C12orf54: variants seen among roughly 807,000 people sequenced by gnomAD.
C12orf54 encodes chromosome 12 open reading frame 54, also known as uncharacterized protein C12orf54.
C12orf54 carries 24 observed loss-of-function variants against 26.4 expected under a neutral mutation model. The observed-to-expected ratio is 0.91, with a 90% CI of 0.66 to 1.28. The LOEUF is 1.28. C12orf54 is among the 50% of genes most tolerant of loss of function. C12orf54 has a pLI of 0.00. For missense variants in C12orf54, 154 were observed against 150.9 expected, an observed-to-expected ratio of 1.02 and a Z score of -0.11; for synonymous variants, 54 against 47.0, an observed-to-expected ratio of 1.15 and a Z score of -0.61.
At chr12:48,434,642 A>G in the C12orf54 span, among the ~76,000 whole-genome samples, 1 of 152,220 alleles carries the variant, frequency 6.6e-6, no homozygotes, top group Non-Finnish European at 1.5e-5. Context: ...GCTGATACCC[A>G]GGCAAACAGG....
the C12orf54 span, among the ~76,000 whole-genome samples, chr12:48,425,241 A>G: frequency 6.6e-6 from 1 of 151,812 alleles, no homozygotes; most frequent in African/African-American, 2.4e-5. Flanking sequence ...CCCATCCTCC[A>G]CCCTCAAGTA....
chr12:48,416,170 C>T, the C12orf54 span, among the ~76,000 whole-genome samples: 1 of 152,168 alleles, frequency 6.6e-6, no homozygotes, highest in Non-Finnish European at 1.5e-5. Context: ...ATCATCATTC[C>T]TGATTCTACT....
At chr12:48,479,886 G>A (rs753703102), upstream of C12orf54, among the ~76,000 whole-genome samples, 220 of 152,108 alleles carry the variant, frequency 1.4e-3, 1 homozygote, top group Admixed American at 3.1e-3. Context: ...ACAATTTTTT[G>A]GGGGATGGCT....
chr12:48,457,280 G>C, the C12orf54 span, among the ~76,000 whole-genome samples: 1 of 140,522 alleles, frequency 7.1e-6, no homozygotes, highest in South Asian at 2.3e-4. Flanking sequence ...TTTTGTTGTT[G>C]TTGTTGGTGG....
At chr12:48,487,808 T>A in intron 4 of C12orf54, 2 of 464,240 alleles carry the variant, frequency 4.3e-6, no homozygotes, top group Middle Eastern at 5.7e-4. Context: ...ATCTTAAAGT[T>A]CTCACACTTT....
the C12orf54 span, among the ~76,000 whole-genome samples, chr12:48,468,602 AAGCTGTT>A: frequency 6.6e-6 from 1 of 151,718 alleles, no homozygotes; most frequent in Non-Finnish European, 1.5e-5. Flanking sequence ...AACAACAATA[AAGCTGTT>A]ATGGTTATAT....
chr12:48,487,552 A>C (rs1937678426), intron 4 of C12orf54, among the ~76,000 whole-genome samples: 1 of 152,252 alleles, frequency 6.6e-6, no homozygotes, highest in Non-Finnish European at 1.5e-5. Flanking sequence ...TACAATTATT[A>C]TATTAGCTAA....
the C12orf54 span, among the ~76,000 whole-genome samples, chr12:48,457,284 TTGG>T: frequency 0.34 from 43,467 of 127,420 alleles, 7,977 homozygotes; most frequent in Middle Eastern, 0.5. Context: ...GTTGTTGTTG[TTGG>T]TGGTGGTGGT....
At chr12:48,469,587 C>T in the C12orf54 span, among the ~76,000 whole-genome samples, 1 of 152,108 alleles carries the variant, frequency 6.6e-6, no homozygotes. Context: ...AACATACATC[C>T]TCATCTTATG....
the C12orf54 span, among the ~76,000 whole-genome samples, chr12:48,430,324 A>C: frequency 6.6e-6 from 1 of 152,210 alleles, no homozygotes; most frequent in South Asian, 2.1e-4. Context: ...TAAACTAAAG[A>C]GCTTTTGCGC....
chr12:48,455,885 C>G, the C12orf54 span, among the ~76,000 whole-genome samples: 3 of 152,140 alleles, frequency 2.0e-5, no homozygotes, highest in Non-Finnish European at 4.4e-5. Flanking sequence ...TTATAGAACA[C>G]TAACAATCAT....
chr12:48,456,209 A>G, the C12orf54 span, among the ~76,000 whole-genome samples: 2 of 152,224 alleles, frequency 1.3e-5, no homozygotes, highest in Admixed American at 6.5e-5. Context: ...CTGGGTATAT[A>G]AAGACGAGTA....
the C12orf54 span, among the ~76,000 whole-genome samples, chr12:48,471,024 T>C: frequency 6.6e-6 from 1 of 152,190 alleles, no homozygotes; most frequent in Non-Finnish European, 1.5e-5. Context: ...ATTTTTATTA[T>C]AGTCACCCTG....
At chr12:48,450,284 G>T in the C12orf54 span, among the ~76,000 whole-genome samples, 1 of 152,114 alleles carries the variant, frequency 6.6e-6, no homozygotes, top group Non-Finnish European at 1.5e-5. Context: ...TTTGAAATTA[G>T]TGAGCACAAA....
chr12:48,483,273 T>A lies in C12orf54; in HGVS notation c.-24T>A, dbSNP rs7972785. 8 of 1,610,838 alleles carry A rather than the reference T, an allele frequency of 5.0e-6. No individual in the cohort carries two copies. Among genetic ancestry groups the A allele is most frequent in the Admixed American group, 3.3e-5 (2 of 59,918 alleles). ...GCTATCTCCATCTTCAGCTCCAGAGTCCTTGGTTTCTGTCTGAGAACAAAT... is the reference window on the plus strand; with the variant it reads ...GCTATCTCCATCTTCAGCTCCAGAGACCTTGGTTTCTGTCTGAGAACAAAT... On this transcript the variant is annotated 5_prime_UTR_variant, in exon 2 of 9. Coordinates refer to ENST00000548364, the MANE Select transcript of C12orf54 (RefSeq NM_152319.4).
chr12:48,482,688 C>G (rs1264750881), intron 1 of C12orf54, 112 bp downstream of exon 1: 2 of 152,110 alleles, frequency 1.3e-5, no homozygotes, highest in Admixed American at 1.3e-4. Flanking sequence ...TGTCTCCTGT[C>G]TGGGCCACTG....
chr12:48,428,355 A>G, the C12orf54 span, among the ~76,000 whole-genome samples: 3 of 150,670 alleles, frequency 2.0e-5, no homozygotes, highest in Admixed American at 6.6e-5. Flanking sequence ...CAAAAAAAAA[A>G]TACAAAAGAT....
At chr12:48,475,741 CTAT>C in the C12orf54 span, among the ~76,000 whole-genome samples, 1 of 152,084 alleles carries the variant, frequency 6.6e-6, no homozygotes, top group Non-Finnish European at 1.5e-5. Context: ...AAATATGGGA[CTAT>C]GTGAAAAGAC....
chr12:48,468,078 G>A, the C12orf54 span, among the ~76,000 whole-genome samples: 22,058 of 151,998 alleles, frequency 0.15, 2,821 homozygotes, highest in East Asian at 0.66. Flanking sequence ...AAATACAATC[G>A]ATAATGATTA....
Sources: allele counts gnomAD v4.1 joint callset (sites outside exome capture counted in the v4.1 genomes callset), GRCh38; gene constraint gnomAD v4.1.1; transcripts MANE v1.5; gene names NCBI Gene and HGNC (gene_info 2026-07-23, HGNC 2026-07-21).